ECT2L: variants seen among roughly 807,000 people sequenced by gnomAD.
ECT2L encodes epithelial cell-transforming sequence 2 oncogene-like.
In ECT2L, 126 loss-of-function variants were observed where a neutral mutation model predicts 122.8. The observed-to-expected ratio is 1.03, with a 90% confidence interval of 0.89 to 1.19. The LOEUF (loss-of-function observed/expected upper bound fraction) is 1.19, where lower values mean the gene tolerates loss of function less well. ECT2L is among the 50% of genes most tolerant of loss of function. The pLI is 0.00. For missense variants in ECT2L, 1,012 were observed against 1,064.1 expected (o/e 0.95, Z 0.68); for synonymous variants, 385 against 381.8 (o/e 1.01, Z -0.10).
At chr6:138,888,741 T>C (rs1291994314) in intron 19 of ECT2L, among the ~76,000 whole-genome samples, 1 of 152,138 alleles carries the variant, frequency 6.6e-6, no homozygotes, top group Non-Finnish European at 1.5e-5. Flanking sequence ...ATTACTTTTT[T>C]CCCCTTAAAT....
At chr6:138,870,569 A>C (rs1465873117) in intron 13 of ECT2L, among the ~76,000 whole-genome samples, 11 of 140,748 alleles carry the variant, frequency 7.8e-5, no homozygotes, top group Admixed American at 7.5e-4. Context: ...GGTTGTGGGG[A>C]GAAAGGTAGA....
chr6:138,856,260 A>G (rs889695554), intron 10 of ECT2L, among the ~76,000 whole-genome samples: 3 of 148,910 alleles, frequency 2.0e-5, no homozygotes, highest in Admixed American at 6.7e-5. Flanking sequence ...TGTCGCCCAG[A>G]CTGGAGTGCA....
chr6:138,835,378 A>G (rs931654814), intron 4 of ECT2L, among the ~76,000 whole-genome samples: 2 of 151,902 alleles, frequency 1.3e-5, no homozygotes. Flanking sequence ...GTGAAACCAC[A>G]TCTCCATTAA....
At chr6:138,845,459 G>A (rs760140525) in intron 7 of ECT2L, among the ~76,000 whole-genome samples, 12 of 152,216 alleles carry the variant, frequency 7.9e-5, no homozygotes, top group Non-Finnish European at 1.3e-4. Context: ...GGCCAGGCTG[G>A]TCTCAAACTC....
chr6:138,882,583 C>G, intron 15 of ECT2L, 141 bp from the exon 16 acceptor site: 1 of 1,007,750 alleles, frequency 9.9e-7, no homozygotes, highest in Non-Finnish European at 1.4e-6. Flanking sequence ...CTCCACTTCT[C>G]TGTGTTAGGA....
chr6:138,859,175 T>C (rs1408542416), intron 10 of ECT2L, among the ~76,000 whole-genome samples: 1 of 152,188 alleles, frequency 6.6e-6, no homozygotes, highest in Non-Finnish European at 1.5e-5. Flanking sequence ...CAGTATGTAT[T>C]CTCTGTCTGA....
At chr6:138,856,893 T>G (rs560777835) in intron 10 of ECT2L, among the ~76,000 whole-genome samples, 13 of 152,222 alleles carry the variant, frequency 8.5e-5, no homozygotes, top group Non-Finnish European at 1.3e-4. Flanking sequence ...ATCTCTTCTC[T>G]TTAGACAATC....
At chr6:138,822,119 T>C (rs1371357940) in intron 4 of ECT2L, among the ~76,000 whole-genome samples, 1 of 152,272 alleles carries the variant, frequency 6.6e-6, no homozygotes, top group Non-Finnish European at 1.5e-5. Context: ...GATTTGCTTT[T>C]TCTATTTTTC....
chr6:138,850,378 C>G (rs112261399), intron 9 of ECT2L, among the ~76,000 whole-genome samples: 4,051 of 152,212 alleles, frequency 0.027, 167 homozygotes, highest in African/African-American at 0.092. Context: ...CTCATGACCT[C>G]CAGTGATCCA....
At chr6:138,836,490 A>G (rs1371059656) in intron 4 of ECT2L, among the ~76,000 whole-genome samples, 3 of 151,728 alleles carry the variant, frequency 2.0e-5, no homozygotes, top group Admixed American at 6.6e-5. Flanking sequence ...GTTTCACCAC[A>G]TTGGCCAGGC....
intron 5 of ECT2L, among the ~76,000 whole-genome samples, chr6:138,840,707 T>C (rs759574638): frequency 1.3e-5 from 2 of 152,152 alleles, no homozygotes; most frequent in Non-Finnish European, 2.9e-5. Context: ...TGGACTTTTT[T>C]TCTTTCATTT....
chr6:138,838,574 G>A (rs889950942), intron 5 of ECT2L, 60 bp downstream of exon 5: 1 of 1,514,216 alleles, frequency 6.6e-7, no homozygotes, highest in South Asian at 1.4e-5. Context: ...CTGTAATGAG[G>A]CTACTGGGGT....
At chr6:138,823,158 T>C in intron 4 of ECT2L, 1 of 1,436,016 alleles carries the variant, frequency 7.0e-7, no homozygotes. Context: ...CATAGACAGA[T>C]ATGTGGCAGT....
intron 4 of ECT2L, among the ~76,000 whole-genome samples, chr6:138,836,006 G>A (rs1475923108): frequency 6.6e-6 from 1 of 152,000 alleles, no homozygotes; most frequent in Non-Finnish European, 1.5e-5. Context: ...TTGGGTGATG[G>A]TTCCTCAAGA....
chr6:138,851,685 T>C (rs1465412384), intron 9 of ECT2L, among the ~76,000 whole-genome samples: 2 of 152,166 alleles, frequency 1.3e-5, no homozygotes, highest in African/African-American at 4.8e-5. Context: ...TTTTTTTCAC[T>C]GTTGAGTTAT....
At chr6:138,818,412 G>C (rs967033984) in intron 4 of ECT2L, among the ~76,000 whole-genome samples, 1 of 152,126 alleles carries the variant, frequency 6.6e-6, no homozygotes, top group Non-Finnish European at 1.5e-5. Context: ...GTCTGTCTCA[G>C]CTGTGATCTG....
At chr6:138,820,560 G>A (rs1329386925) in intron 4 of ECT2L, among the ~76,000 whole-genome samples, 1 of 151,988 alleles carries the variant, frequency 6.6e-6, no homozygotes, top group Non-Finnish European at 1.5e-5. Flanking sequence ...AGAAAAATAG[G>A]TTGAAAATGG....
chr6:138,825,446 G>A (rs1776413274), intron 4 of ECT2L, among the ~76,000 whole-genome samples: 1 of 151,520 alleles, frequency 6.6e-6, no homozygotes, highest in South Asian at 2.1e-4. Context: ...GCCAGGTGTG[G>A]TGGGGGGGCA....
At chr6:138,827,247 C>T (rs1244602737) in intron 4 of ECT2L, among the ~76,000 whole-genome samples, 2 of 152,074 alleles carry the variant, frequency 1.3e-5, no homozygotes, top group Non-Finnish European at 2.9e-5. Flanking sequence ...ACTCTGGAGG[C>T]TGACGCAGGA....
Sources: gnomAD v4.1 joint callset for allele counts (sites outside exome capture counted in the v4.1 genomes callset) on GRCh38, gnomAD v4.1.1 for gene constraint, MANE v1.5 for transcripts, NCBI Gene and HGNC (gene_info 2026-07-23, HGNC 2026-07-21) for gene names.